Variants in MCHR2 observed in about 807,000 individuals in gnomAD.
MCHR2 encodes melanin-concentrating hormone receptor 2.
A neutral mutation model predicts 24.8 loss-of-function variants in MCHR2; 15 were observed. The ratio of observed to expected loss-of-function variants is 0.60; its 90% CI spans 0.40 to 0.93. MCHR2 has a LOEUF of 0.93. MCHR2 is among the 40% of genes least tolerant of loss of function. MCHR2 has a pLI of 0.00. For missense variants in MCHR2, 386 were observed against 408.7 expected, an observed-to-expected ratio of 0.94 and a Z score of 0.48; for synonymous variants, 151 against 147.6, an observed-to-expected ratio of 1.02 and a Z score of -0.17.
At chr6:99,975,856 CAGAA>C (rs1450012175) in intron 1 of MCHR2, among the ~76,000 whole-genome samples, 1 of 152,214 alleles carries the variant, frequency 6.6e-6, no homozygotes, top group African/African-American at 2.4e-5. Flanking sequence ...TCTTGACTGA[CAGAA>C]AGGCATGTCA....
chr6:99,944,146 G>T (rs1257866191), intron 3 of MCHR2, among the ~76,000 whole-genome samples: 1 of 152,148 alleles, frequency 6.6e-6, no homozygotes, highest in Non-Finnish European at 1.5e-5. Context: ...TAATTTCATG[G>T]GGAGGCATTT....
intron 1 of MCHR2, among the ~76,000 whole-genome samples, chr6:99,984,893 G>C (rs1264221422): frequency 6.6e-6 from 1 of 152,040 alleles, no homozygotes; most frequent in African/African-American, 2.4e-5. Context: ...AATTATTTCT[G>C]TTTGTTGATG....
chr6:99,957,636 G>A lies in MCHR2; in HGVS notation c.-27-1462C>T, dbSNP rs186098007. 5.9e-4 allele frequency among the ~76,000 whole-genome samples: 90 copies of A among 152,014 alleles called. 1 individual carries two copies. Among genetic ancestry groups the A allele is most frequent in the South Asian group, 1.0e-3 (5 of 4,814 alleles). ...AAGAAAGTCTCAGAGTTGTTATTAC[G>A]TAACTCTAAGAGAATTTAGTAAGTT... On this transcript the variant is annotated intron_variant, in intron 1 of 5. Transcript: ENST00000281806.
intron 2 of MCHR2, among the ~76,000 whole-genome samples, chr6:99,953,682 C>A (rs1368644185): frequency 2.3e-5 from 3 of 130,038 alleles, no homozygotes; most frequent in African/African-American, 5.4e-5. Context: ...TTTAGATAGA[C>A]GCTGCTTTTT....
rs529009145 is a variant in MCHR2 at position 99,970,282 on chromosome 6, G to A, written c.-27-14108C>T. 1.5e-3 allele frequency among the ~76,000 whole-genome samples: 229 copies of A among 152,220 alleles called. 1 individual carries two copies. Among genetic ancestry groups the A allele is most frequent in the African/African-American group, 5.2e-3 (216 of 41,510 alleles). ...TGGTGTGAGATGGTATCTCATTGTG[G>A]TTTTGATTTGCATTTCTCTGATGGC... On this transcript the variant is annotated intron_variant, in intron 1 of 5. Coordinates refer to ENST00000281806, the MANE Select transcript of MCHR2 (RefSeq NM_001040179.2).
chr6:99,959,905 A>G (rs1434235451), intron 1 of MCHR2, among the ~76,000 whole-genome samples: 1 of 151,694 alleles, frequency 6.6e-6, no homozygotes, highest in Non-Finnish European at 1.5e-5. Context: ...GGATCCATAT[A>G]CATGTTATGG....
intron 5 of MCHR2, among the ~76,000 whole-genome samples, chr6:99,932,702 G>A (rs1774572580): frequency 6.6e-6 from 1 of 152,070 alleles, no homozygotes; most frequent in South Asian, 2.1e-4. Context: ...CAGGATACCT[G>A]GCCAGTGCTC....
chr6:99,962,214 T>C (rs1326342726), intron 1 of MCHR2, among the ~76,000 whole-genome samples: 1 of 152,126 alleles, frequency 6.6e-6, no homozygotes, highest in Non-Finnish European at 1.5e-5. Context: ...AGCTACTAAG[T>C]GACTAGCAGG....
intron 1 of MCHR2, among the ~76,000 whole-genome samples, chr6:99,959,702 T>C (rs79849240): frequency 0.019 from 2,865 of 148,228 alleles, 35 homozygotes; most frequent in Middle Eastern, 0.048. Flanking sequence ...AATGCAACAA[T>C]TGAAATGAAA....
At chr6:99,930,004 TC>T (rs1474351684) in intron 5 of MCHR2, among the ~76,000 whole-genome samples, 1 of 150,520 alleles carries the variant, frequency 6.6e-6, no homozygotes, top group Non-Finnish European at 1.5e-5. Context: ...GTTTAGTGCT[TC>T]CTTCAGGAGC....
At chr6:99,921,397 G>T in intron 5 of MCHR2, 142 bp from the exon 6 acceptor site, 2 of 726,898 alleles carry the variant, frequency 2.8e-6, no homozygotes, top group South Asian at 2.3e-5. Flanking sequence ...CTTACTTGGT[G>T]CATTGTGATA....
At chr6:99,973,837 T>A (rs983998700) in intron 1 of MCHR2, among the ~76,000 whole-genome samples, 1 of 152,202 alleles carries the variant, frequency 6.6e-6, no homozygotes, top group East Asian at 1.9e-4. Context: ...TTCGGCTGGA[T>A]ATGAAATTCT....
In MCHR2 at chr6:99,933,506, G is replaced by C. The variant is rs868677383; in HGVS notation, c.707+892C>G. Among the ~76,000 whole-genome samples the C allele has an allele frequency of 3.9e-5, 6 of 151,916 alleles. No homozygotes were observed. The East Asian group carries it at 5.8e-4, about 15-fold the overall frequency. On this transcript the variant is annotated intron_variant, in intron 5 of 5. Transcript: ENST00000281806. ...TTCCCAAATGGACCACACTTTACTA[G>C]TGCAAGACTTTCAAAGAATTCCAAG...
Position 99,955,955 on chromosome 6 carries a change from C to T in MCHR2, c.182+11G>A. Reference sequence around the variant, plus strand: ...TGGAAGGAAAAAAAAAAAAAAGGAGCCATTCCTTACCTTATTATAGTGAAT... The same window carrying T: ...TGGAAGGAAAAAAAAAAAAAAGGAGTCATTCCTTACCTTATTATAGTGAAT... On this transcript the variant is annotated intron_variant, in intron 2 of 5. Coordinates refer to ENST00000281806, the MANE Select transcript of MCHR2 (RefSeq NM_001040179.2). 6.7e-7 allele frequency: 1 copy of T among 1,494,552 alleles called. No individual in the cohort carries two copies. The highest frequency in any genetic ancestry group is 2.4e-5 in the Admixed American group (1 of 42,298). The allele number at this position is 1,494,552 out of a possible 1,614,324, so 92.6% of individuals were successfully genotyped here. A position where few individuals can be genotyped will look rare whatever the true frequency, so the allele number is the denominator to read the frequency against.
chr6:99,979,997 TTTG>T (rs1224490557), intron 1 of MCHR2, among the ~76,000 whole-genome samples: 1 of 152,208 alleles, frequency 6.6e-6, no homozygotes, highest in Non-Finnish European at 1.5e-5. Context: ...AAGAGAGTTG[TTTG>T]TTGTTGAAAT....
At chr6:99,969,473 C>CA (rs1214316677) in intron 1 of MCHR2, among the ~76,000 whole-genome samples, 51,723 of 76,550 alleles carry the variant, frequency 0.68, 16,443 homozygotes, top group Non-Finnish European at 0.71. Flanking sequence ...GACTCCATCT[C>CA]AAAAAAAAAA....
chr6:99,986,062 AC>A lies in MCHR2; in HGVS notation c.-28+7873del, dbSNP rs774479354. Among the ~76,000 whole-genome samples the A allele has an allele frequency of 3.9e-5, 6 of 152,174 alleles. No homozygotes were observed. The East Asian group carries it at 9.6e-4, about 24-fold the overall frequency. On this transcript the variant is annotated intron_variant, in intron 1 of 5. Coordinates refer to ENST00000281806, the MANE Select transcript of MCHR2 (RefSeq NM_001040179.2). ...AAGAAGACATACAAATGGCCAAAAA[AC>A]ATATGAAAAATGCTCAATATCACTA...
At chr6:99,949,741 C>T (rs978689440) in intron 2 of MCHR2, among the ~76,000 whole-genome samples, 5 of 151,934 alleles carry the variant, frequency 3.3e-5, no homozygotes, top group African/African-American at 9.7e-5. Context: ...GTGCCTCACA[C>T]CAGAATGACC....
intron 1 of MCHR2, among the ~76,000 whole-genome samples, chr6:99,984,626 A>G (rs945224344): frequency 3.3e-5 from 5 of 152,128 alleles, no homozygotes; most frequent in African/African-American, 1.2e-4. Context: ...AAAATCTAGC[A>G]TCCCTTCATG....
Sources: gnomAD v4.1 joint callset for allele counts (sites outside exome capture counted in the v4.1 genomes callset) on GRCh38, gnomAD v4.1.1 for gene constraint, MANE v1.5 for transcripts, NCBI Gene and HGNC (gene_info 2026-07-23, HGNC 2026-07-21) for gene names.